Variants in ATP6V0A1 observed in about 807,000 individuals in gnomAD.
ATP6V0A1 encodes ATPase H+ transporting V0 subunit a1.
ATP6V0A1 carries 43 observed loss-of-function variants against 105.4 expected under a neutral mutation model. That is an observed-to-expected ratio of 0.41 (90% CI 0.32 to 0.53). The LOEUF is 0.53. ATP6V0A1 is among the 20% of genes least tolerant of loss of function. ATP6V0A1 has a pLI of 0.30. For missense variants in ATP6V0A1, 676 were observed against 1,051.1 expected (o/e 0.64, Z 4.93); for synonymous variants, 362 against 372.8 (o/e 0.97, Z 0.33).
chr17:42,499,910 C>T (rs2091522934), intron 15 of ATP6V0A1, among the ~76,000 whole-genome samples: 1 of 151,814 alleles, frequency 6.6e-6, no homozygotes, highest in African/African-American at 2.4e-5. Context: ...AGTGAGGTCT[C>T]TTTTTTTCCT....
chr17:42,494,244 AG>A (rs930265311), intron 11 of ATP6V0A1, 89 bp from the exon 12 acceptor site: 7 of 1,236,256 alleles, frequency 5.7e-6, no homozygotes, highest in East Asian at 2.5e-5. Flanking sequence ...AAAAAAAAAA[AG>A]GGGGGTGGGT....
Position 42,477,651 on chromosome 17 carries a change from C to T in ATP6V0A1, c.424-9C>T. On this transcript the variant is annotated splice_polypyrimidine_tract_variant and intron_variant, in intron 5 of 21. Transcript: ENST00000343619. Reference sequence around the variant, plus strand: ...TTTGTGAATTCAGGCTGAATTGCATCATCAGCAGATGGCGGATCCAGACTT... The same window carrying T: ...TTTGTGAATTCAGGCTGAATTGCATTATCAGCAGATGGCGGATCCAGACTT... The T allele has an allele frequency of 3.1e-6, 5 of 1,613,430 alleles. No homozygotes were observed. The highest frequency in any genetic ancestry group is 3.4e-6 in the Non-Finnish European group (4 of 1,179,650).
intron 21 of ATP6V0A1, chr17:42,519,157 G>T (rs892263034): frequency 2.0e-5 from 3 of 152,230 alleles, no homozygotes; most frequent in Non-Finnish European, 4.4e-5. Flanking sequence ...CAATTGATGT[G>T]CCCCTCCCAG....
At chr17:42,498,326 T>C (rs918177944) in intron 14 of ATP6V0A1, among the ~76,000 whole-genome samples, 1 of 152,186 alleles carries the variant, frequency 6.6e-6, no homozygotes, top group Non-Finnish European at 1.5e-5. Context: ...ATCTGGACTT[T>C]TTAGTAATGT....
intron 14 of ATP6V0A1, chr17:42,495,933 G>A (rs749658656): frequency 1.4e-5 from 6 of 430,554 alleles, no homozygotes; most frequent in African/African-American, 4.1e-5. Flanking sequence ...TTAGCCGGGC[G>A]TGGTGGCGCA....
At chr17:42,501,127 T>C (rs1366923538) in intron 16 of ATP6V0A1, 70 bp from the exon 17 acceptor site, 7 of 1,321,598 alleles carry the variant, frequency 5.3e-6, no homozygotes, top group Non-Finnish European at 7.5e-6. Context: ...ATTTGTGCCA[T>C]ATTTGGAAAC....
intron 3 of ATP6V0A1, 70 bp from the exon 4 acceptor site, chr17:42,467,939 TC>T: frequency 5.9e-6 from 6 of 1,009,828 alleles, no homozygotes; most frequent in Non-Finnish European, 7.2e-6. Context: ...AGATGTTAAT[TC>T]TTTTCCTTAA....
chr17:42,508,695 T>C (rs781710737), intron 19 of ATP6V0A1, 106 bp downstream of exon 19: 9 of 1,459,402 alleles, frequency 6.2e-6, no homozygotes, highest in African/African-American at 1.4e-5. Context: ...TACACATGAC[T>C]CCTGTGCCTC....
At chr17:42,479,232 A>G (rs1376818924) in intron 7 of ATP6V0A1, among the ~76,000 whole-genome samples, 4 of 152,228 alleles carry the variant, frequency 2.6e-5, no homozygotes, top group Admixed American at 2.6e-4. Flanking sequence ...ATATTCATGT[A>G]TAAAAAGAGA....
chr17:42,496,668 C>T (rs919134377), intron 14 of ATP6V0A1: 1 of 152,106 alleles, frequency 6.6e-6, no homozygotes. Flanking sequence ...TGGTGAAACC[C>T]CATCTCTACT....
chr17:42,468,661 G>A (rs1311983127), intron 4 of ATP6V0A1, among the ~76,000 whole-genome samples: 3 of 151,878 alleles, frequency 2.0e-5, no homozygotes, highest in African/African-American at 7.3e-5. Context: ...TGCTTATTTC[G>A]CTTAACATAA....
intron 15 of ATP6V0A1, 64 bp from the exon 16 acceptor site, chr17:42,500,643 C>A: frequency 7.7e-7 from 1 of 1,305,472 alleles, no homozygotes; most frequent in Non-Finnish European, 1.1e-6. Context: ...GTGAATACTC[C>A]ATTCAGTGTA....
intron 21 of ATP6V0A1, 129 bp from the exon 22 acceptor site, chr17:42,520,898 C>G (rs1368960156): frequency 2.5e-6 from 2 of 801,342 alleles, no homozygotes; most frequent in Non-Finnish European, 4.0e-6. Context: ...TGGGCTTTCT[C>G]TAGCTTCCCC....
intron 9 of ATP6V0A1, among the ~76,000 whole-genome samples, chr17:42,484,896 C>CTA (rs906956756): frequency 1.4e-5 from 2 of 143,892 alleles, no homozygotes; most frequent in African/African-American, 5.2e-5. Flanking sequence ...GTCTCTCAGG[C>CTA]TAGAGTGCAG....
At chr17:42,477,947 G>A (rs2088962249) in intron 6 of ATP6V0A1, among the ~76,000 whole-genome samples, 1 of 152,034 alleles carries the variant, frequency 6.6e-6, no homozygotes, top group Non-Finnish European at 1.5e-5. Context: ...AATAAGACTT[G>A]TATTAAACCA....
At chr17:42,480,912 C>A in intron 8 of ATP6V0A1, 163 bp downstream of exon 8, 1 of 584,880 alleles carries the variant, frequency 1.7e-6, no homozygotes, top group Non-Finnish European at 2.8e-6. Flanking sequence ...AGCCTGCATT[C>A]ATTTTTATTT....
rs544540472 is a variant in ATP6V0A1 at position 42,474,833 on chromosome 17, T to C, written c.424-2827T>C. Among the ~76,000 whole-genome samples the C allele has an allele frequency of 7.9e-5, 12 of 152,320 alleles. No homozygotes were observed. In the South Asian group the frequency reaches 1.2e-3, roughly 16 times the overall value. ...TATATTTAGGCATAGGAGTTATGAT[T>C]GGCAGGGTGTGTGTAAGGTGAAAAA... On this transcript the variant is annotated intron_variant, in intron 5 of 21. Coordinates refer to ENST00000343619, the MANE Select transcript of ATP6V0A1 (RefSeq NM_001130021.3).
intron 10 of ATP6V0A1, among the ~76,000 whole-genome samples, chr17:42,489,766 A>G (rs914136802): frequency 2.6e-5 from 4 of 152,110 alleles, no homozygotes; most frequent in Non-Finnish European, 5.9e-5. Flanking sequence ...CTATGTGGAA[A>G]TGTCAAGCAG....
chr17:42,476,185 C>T (rs190295099), intron 5 of ATP6V0A1, among the ~76,000 whole-genome samples: 12 of 152,324 alleles, frequency 7.9e-5, no homozygotes, highest in Admixed American at 7.8e-4. Context: ...TAACTAGTGT[C>T]TCCATGATCT....
Sources: gnomAD v4.1 joint callset for allele counts (sites outside exome capture counted in the v4.1 genomes callset) on GRCh38, gnomAD v4.1.1 for gene constraint, MANE v1.5 for transcripts, NCBI Gene and HGNC (gene_info 2026-07-23, HGNC 2026-07-21) for gene names.